The following RAP1GAP variants were observed in gnomAD, a reference collection of about 807,000 sequenced individuals.
RAP1GAP encodes RAP1 GTPase activating protein, also known as rap1 GTPase-activating protein 1.
A neutral mutation model predicts 87.2 loss-of-function variants in RAP1GAP; 35 were observed. The observed-to-expected ratio is 0.40, with a 90% CI of 0.31 to 0.53. The LOEUF (loss-of-function observed/expected upper bound fraction) is 0.53. Among genes scored for constraint, RAP1GAP ranks in the 20% least tolerant of loss-of-function variants. RAP1GAP has a pLI of 0.48. For missense variants in RAP1GAP, 734 were observed against 898.9 expected (o/e 0.82, Z 2.35); for synonymous variants, 375 against 363.9 (o/e 1.03, Z -0.35).
rs2097495103 is a variant in RAP1GAP, at chr1:21,669,104, C to T, written c.-149+150G>A. The stretch of plus-strand genomic sequence containing the variant: ...CGCGAGCCCAGCTGCGCCCACCCCT[C>T]GCCCCTGGAGACCCGGGTCCCCCAC... On this transcript the variant is annotated intron_variant, in intron 1 of 24. Coordinates refer to ENST00000374765, the MANE Select transcript of RAP1GAP (RefSeq NM_002885.4). This position sits in a 1 kb window ranked among gnomAD's most constrained non-coding sequence, Gnocchi z 5.6. The T allele has an allele frequency of 2.3e-6, 2 of 852,550 alleles. No homozygotes were observed. Among genetic ancestry groups the T allele is most frequent in the Non-Finnish European group, 3.0e-6 (2 of 660,034 alleles). 52.8% of individuals were successfully genotyped at this position (852,550 alleles called of 1,614,324 possible). A position where few individuals can be genotyped will look rare whatever the true frequency, so the allele number is the denominator to read the frequency against.
intron 1 of RAP1GAP, among the ~76,000 whole-genome samples, chr1:21,662,974 T>TC: frequency 6.6e-6 from 1 of 152,082 alleles, no homozygotes; most frequent in South Asian, 2.1e-4. Flanking sequence ...CCATCATGCC[T>TC]CCCCCCATCC....
At chr1:21,651,730 A>ACACGCACACGCGCG in intron 1 of RAP1GAP, 1 of 1,108,778 alleles carries the variant, frequency 9.0e-7, no homozygotes, top group Non-Finnish European at 1.3e-6. Context: ...CCACGCGTGC[A>ACACGCACACGCGCG]CACGCACACG....
intron 13 of RAP1GAP, 35 bp downstream of exon 13, chr1:21,611,417 G>C: frequency 6.3e-7 from 1 of 1,593,784 alleles, no homozygotes; most frequent in Non-Finnish European, 8.5e-7. Flanking sequence ...GAGGACAGGT[G>C]GAAGACAGGA....
rs2094402313 is a variant in RAP1GAP, at chr1:21,634,689, C to T, written c.-112-8292G>A. 5.9e-6 allele frequency: 2 copies of T among 338,854 alleles called. No homozygotes were observed. Among genetic ancestry groups the T allele is most frequent in the Non-Finnish European group, 6.3e-6 (1 of 158,604 alleles). 21.0% of individuals were successfully genotyped at this position (338,854 alleles called of 1,614,324 possible). On this transcript the variant is annotated intron_variant, in intron 2 of 24. Coordinates refer to ENST00000374765, the MANE Select transcript of RAP1GAP (RefSeq NM_002885.4). This position sits in a 1 kb window ranked among gnomAD's most constrained non-coding sequence, Gnocchi z 4.1. ...GCCTCCTGAACAAATAACAGGTTGG[C>T]AGCCTAGAGAGGTGGTCACGGGACC...
At chr1:21,633,634 G>A (rs951365856) in intron 2 of RAP1GAP, among the ~76,000 whole-genome samples, 2 of 152,122 alleles carry the variant, frequency 1.3e-5, no homozygotes, top group African/African-American at 2.4e-5. Flanking sequence ...GACCGGACAC[G>A]GAAAGAGGGA....
intron 5 of RAP1GAP, 37 bp downstream of exon 5, chr1:21,618,988 C>T (rs750969523): frequency 7.0e-6 from 11 of 1,569,058 alleles, no homozygotes; most frequent in South Asian, 7.0e-5. Context: ...CCCCCTCCAC[C>T]CCCTAGAGAG....
At position 21,613,743 on chromosome 1, in the gene RAP1GAP, G is replaced by A. The variant is rs772993403; in HGVS notation, c.396-37C>T. The A allele has an allele frequency of 1.1e-5, 17 of 1,569,462 alleles. No individual in the cohort carries two copies. The South Asian group carries it at 1.6e-4, about 14-fold the overall frequency. ...AAGTCACACGATGAAGGCCTGGGCA[G>A]CAGGACAGGAAAATGGGAACCCCAC... On this transcript the variant is annotated intron_variant, in intron 8 of 24. Coordinates refer to ENST00000374765, the MANE Select transcript of RAP1GAP (RefSeq NM_002885.4). This position sits in a 1 kb window ranked among gnomAD's most constrained non-coding sequence, Gnocchi z 4.7.
intron 1 of RAP1GAP, among the ~76,000 whole-genome samples, chr1:21,656,417 TAAAAAA>T (rs71661339): frequency 5.2e-5 from 5 of 96,176 alleles, no homozygotes; most frequent in African/African-American, 4.3e-5. Context: ...AGACTCCATC[TAAAAAA>T]AAAAAAAAAA....
At chr1:21,667,248 T>C in intron 1 of RAP1GAP, among the ~76,000 whole-genome samples, 1 of 152,096 alleles carries the variant, frequency 6.6e-6, no homozygotes, top group East Asian at 1.9e-4. Context: ...CAGGGCCAGG[T>C]GAGAGGGAGG....
intron 6 of RAP1GAP, 85 bp downstream of exon 6, chr1:21,617,848 TA>T: frequency 6.3e-7 from 1 of 1,575,942 alleles, no homozygotes; most frequent in Non-Finnish European, 8.7e-7. Flanking sequence ...GTCAGGCTCC[TA>T]AGGAGGAGGA....
At position 21,601,664 on chromosome 1, in the gene RAP1GAP, C is replaced by T. The variant is rs775486902; in HGVS notation, c.1652+20G>A. ...TCACCACTCCCAAGCCCCCAAGCCC[C>T]ACGTGCCCTGAGCCCCAACCTGTTC... On this transcript the variant is annotated intron_variant, in intron 20 of 24. Coordinates refer to ENST00000374765, the MANE Select transcript of RAP1GAP (RefSeq NM_002885.4). 3 of 1,571,280 alleles carry T rather than the reference C, an allele frequency of 1.9e-6. No individual in the cohort carries two copies. Among genetic ancestry groups the T allele is most frequent in the South Asian group, 2.3e-5 (2 of 87,096 alleles).
chr1:21,601,224 C>T (rs879384053), intron 20 of RAP1GAP, among the ~76,000 whole-genome samples: 30 of 152,054 alleles, frequency 2.0e-4, no homozygotes, highest in Non-Finnish European at 3.5e-4. Context: ...GGAGTGTGCC[C>T]CAGGCCTCTG....
At chr1:21,645,055 C>A (rs1444798945) in intron 2 of RAP1GAP, among the ~76,000 whole-genome samples, 1 of 152,164 alleles carries the variant, frequency 6.6e-6, no homozygotes, top group Non-Finnish European at 1.5e-5. Context: ...AAGTACTGCC[C>A]AAACCAAGCT....
intron 2 of RAP1GAP, among the ~76,000 whole-genome samples, chr1:21,632,414 C>T (rs191998909): frequency 6.6e-6 from 1 of 152,200 alleles, no homozygotes; most frequent in Non-Finnish European, 1.5e-5. Context: ...GGGACTCTCA[C>T]CGGAACTGGA....
rs1273793358 is a variant in RAP1GAP, at chr1:21,669,260, G to A, written c.-155C>T. 4 of 1,240,764 alleles carry A rather than the reference G, an allele frequency of 3.2e-6. No individual in the cohort carries two copies. The South Asian group carries it at 3.9e-5, about 12-fold the overall frequency. 76.9% of individuals were successfully genotyped at this position (1,240,764 alleles called of 1,614,324 possible). Reference sequence around the variant, plus strand: ...CCTGGCGGGGCGCACTCACCCAAGGGCCTGGGCCGGGGGCGTCCTGGGCTC... The same window carrying A: ...CCTGGCGGGGCGCACTCACCCAAGGACCTGGGCCGGGGGCGTCCTGGGCTC... On this transcript the variant is annotated 5_prime_UTR_variant, in exon 1 of 25. Transcript: ENST00000374765. This position sits in a 1 kb window ranked among gnomAD's most constrained non-coding sequence, Gnocchi z 5.6.
chr1:21,606,024 C>A, intron 18 of RAP1GAP, 42 bp downstream of exon 18: 1 of 1,548,182 alleles, frequency 6.5e-7, no homozygotes. Context: ...CTGAGGGCCC[C>A]CCAGGGAGGG....
chr1:21,633,659 C>T lies in RAP1GAP; in HGVS notation c.-112-7262G>A, dbSNP rs1053404619. ...GGAAAGAGGGAGTGGTCTGGAAGGG[C>T]GGGGGAGGGGTTCAGGGAGCCAATG... On this transcript the variant is annotated intron_variant, in intron 2 of 24. Transcript: ENST00000374765. Among the ~76,000 whole-genome samples the T allele has an allele frequency of 8.0e-5, 12 of 149,560 alleles. No homozygotes were observed. In the South Asian group the frequency reaches 1.3e-3, roughly 16 times the overall value.
chr1:21,646,501 CA>C (rs1291210063), intron 2 of RAP1GAP, among the ~76,000 whole-genome samples: 2 of 152,360 alleles, frequency 1.3e-5, no homozygotes, highest in Admixed American at 1.3e-4. Flanking sequence ...GGCCAAATTG[CA>C]GGACTGATGC....
At position 21,613,519 on chromosome 1, in the gene RAP1GAP, G is replaced by A. The variant is rs897422744; in HGVS notation, c.474+109C>T. The A allele has an allele frequency of 2.8e-6, 3 of 1,079,504 alleles. No homozygotes were observed. Among genetic ancestry groups the A allele is most frequent in the Non-Finnish European group, 2.8e-6 (2 of 705,010 alleles). 66.9% of individuals were successfully genotyped at this position (1,079,504 alleles called of 1,614,324 possible). On this transcript the variant is annotated intron_variant, in intron 9 of 24. Transcript: ENST00000374765. This position sits in a 1 kb window ranked among gnomAD's most constrained non-coding sequence, Gnocchi z 4.7. ...AGACAGCCTCAGGATAGGGCGGCAG[G>A]CCAGGGCTAGGGCCTACAGCTGAAG... is the stretch of plus-strand genomic sequence containing the variant.
Sources: gnomAD v4.1 joint callset for allele counts (sites outside exome capture counted in the v4.1 genomes callset) on GRCh38, gnomAD v4.1.1 for gene constraint, Gnocchi (gnomAD v3.1) non-coding constraint, MANE v1.5 for transcripts, NCBI Gene and HGNC (gene_info 2026-07-23, HGNC 2026-07-21) for gene names.